CAPZB: variants seen among roughly 807,000 people sequenced by gnomAD.
CAPZB encodes capping actin protein of muscle Z-line subunit beta.
CAPZB carries 2 observed loss-of-function variants against 38.1 expected under a neutral mutation model. The observed-to-expected ratio is 0.05, with a 90% CI of 0.02 to 0.17. The LOEUF (loss-of-function observed/expected upper bound fraction) is 0.17. CAPZB is among the 10% of genes least tolerant of loss of function. The probability of loss-of-function intolerance (pLI) is 1.00; values close to 1 mark genes in which losing one functional copy is unlikely to be tolerated. For synonymous variants in CAPZB, 107 were observed against 127.4 expected, an observed-to-expected ratio of 0.84 and a Z score of 1.08; for missense variants, 161 against 334.2, an observed-to-expected ratio of 0.48 and a Z score of 4.04.
In CAPZB at chr1:19,378,542, G is replaced by T. The variant is rs1259572563; in HGVS notation, c.327C>A (p.Asp109Glu). ...EANNAFDQYRDLYFEGGVSSV... is the reference protein window; with the variant it reads ...EANNAFDQYRELYFEGGVSSV... ...TGCAACAGGAGAAAATGACTCACAG[G>T]TCTCGATACTGGTCAAAGGCATTGT... The change falls in exon 4 of 9, where the codon GAC (aspartate) becomes GAA (glutamate). Residue 109 changes from aspartate (D) to glutamate (E), a missense_variant and splice_region_variant. By Grantham distance (45) the Asp-to-Glu change is conservative. Coordinates refer to ENST00000264202, the MANE Select transcript of CAPZB (RefSeq NM_004930.5). 1.3e-6 allele frequency: 2 copies of T among 1,574,818 alleles called. No individual in the cohort carries two copies. The highest frequency in any genetic ancestry group is 1.7e-6 in the Non-Finnish European group (2 of 1,144,032).
At chr1:19,454,221 G>C (rs114450015) in intron 1 of CAPZB, among the ~76,000 whole-genome samples, 2,041 of 152,316 alleles carry the variant, frequency 0.013, 41 homozygotes, top group African/African-American at 0.047. Context: ...GCCATGAGTA[G>C]CGCCATCCCT....
intron 6 of CAPZB, among the ~76,000 whole-genome samples, chr1:19,353,778 G>A (rs962741598): frequency 6.6e-6 from 1 of 152,250 alleles, no homozygotes; most frequent in African/African-American, 2.4e-5. Context: ...TCCAGCAGGA[G>A]ATCATCCTGA....
chr1:19,347,612 G>T (rs1313291861), intron 6 of CAPZB, among the ~76,000 whole-genome samples: 1 of 152,154 alleles, frequency 6.6e-6, no homozygotes, highest in African/African-American at 2.4e-5. Flanking sequence ...GCCTGCCCTT[G>T]GTCAACTTGT....
At chr1:19,478,421 C>G (rs1400892949) in intron 1 of CAPZB, among the ~76,000 whole-genome samples, 1 of 152,222 alleles carries the variant, frequency 6.6e-6, no homozygotes, top group Non-Finnish European at 1.5e-5. Flanking sequence ...ATCATCACTA[C>G]GTGCCAGGTG....
intron 1 of CAPZB, among the ~76,000 whole-genome samples, chr1:19,446,642 A>G (rs1234362361): frequency 6.6e-6 from 1 of 152,068 alleles, no homozygotes; most frequent in Non-Finnish European, 1.5e-5. Context: ...AACTGGAAAT[A>G]ATCTCCCCCA....
At chr1:19,376,634 TG>T (rs1023777053) in intron 4 of CAPZB, among the ~76,000 whole-genome samples, 4 of 152,228 alleles carry the variant, frequency 2.6e-5, no homozygotes, top group Admixed American at 2.6e-4. Flanking sequence ...AGAGGCCTCA[TG>T]GGCCACTCTA....
intron 1 of CAPZB, among the ~76,000 whole-genome samples, chr1:19,461,104 G>A (rs888224445): frequency 2.3e-4 from 34 of 150,120 alleles, no homozygotes; most frequent in East Asian, 9.9e-4. Context: ...GGCGGGGGGG[G>A]GAGGGGCGGG....
chr1:19,452,960 T>C (rs1257453731), intron 1 of CAPZB, among the ~76,000 whole-genome samples: 1 of 151,878 alleles, frequency 6.6e-6, no homozygotes, highest in Non-Finnish European at 1.5e-5. Context: ...CCTGTCACCA[T>C]GCCCAACTAA....
At chr1:19,473,667 C>A (rs1222568259) in intron 1 of CAPZB, among the ~76,000 whole-genome samples, 1 of 152,106 alleles carries the variant, frequency 6.6e-6, no homozygotes, top group African/African-American at 2.4e-5. Context: ...AGTTCGAGAC[C>A]AGCCTGCCCA....
chr1:19,359,180 G>GAT (rs2094038436), intron 4 of CAPZB, among the ~76,000 whole-genome samples: 1 of 149,976 alleles, frequency 6.7e-6, no homozygotes, highest in Admixed American at 6.6e-5. Flanking sequence ...ACAGAATGTG[G>GAT]GTGATGGGTA....
At chr1:19,360,824 G>C (rs1367234385) in intron 4 of CAPZB, among the ~76,000 whole-genome samples, 1 of 152,190 alleles carries the variant, frequency 6.6e-6, no homozygotes, top group African/African-American at 2.4e-5. Context: ...GCTGGAGCCA[G>C]GGGAGGTAAA....
At chr1:19,380,192 G>C (rs1231686240) in intron 3 of CAPZB, among the ~76,000 whole-genome samples, 3 of 152,196 alleles carry the variant, frequency 2.0e-5, no homozygotes, top group African/African-American at 7.2e-5. Flanking sequence ...TCAGAGGCTG[G>C]TTCACAAACG....
chr1:19,427,517 T>C (rs1008562132), intron 1 of CAPZB, among the ~76,000 whole-genome samples: 17 of 152,254 alleles, frequency 1.1e-4, no homozygotes, highest in African/African-American at 3.9e-4. Context: ...ACGTCGAATC[T>C]GTTTTCTGCC....
chr1:19,339,577 G>A lies in CAPZB; in HGVS notation c.772C>T (p.Leu258=). The A allele has an allele frequency of 1.9e-6, 3 of 1,614,186 alleles. No homozygotes were observed. Among genetic ancestry groups the A allele is most frequent in the Non-Finnish European group, 2.5e-6 (3 of 1,179,980 alleles). ...AAAGCCTCCACCAGGTCATTCTTCA[G>A]AGCTTCTTGTTTTGATTTGTCTGCA... ...TFADKSKQEA[L]KNDLVEALKR... Residue 258 remains leucine (L), a synonymous_variant, in exon 9 of 9, where the codon CTG becomes TTG. Transcript: ENST00000264202.
intron 4 of CAPZB, among the ~76,000 whole-genome samples, chr1:19,365,218 A>T (rs2094076934): frequency 6.6e-6 from 1 of 152,182 alleles, no homozygotes; most frequent in Non-Finnish European, 1.5e-5. Flanking sequence ...GACTGGACCC[A>T]AGAATATCAC....
chr1:19,477,087 C>A (rs1013117877), intron 1 of CAPZB, among the ~76,000 whole-genome samples: 1 of 152,220 alleles, frequency 6.6e-6, no homozygotes, highest in African/African-American at 2.4e-5. Context: ...GAGAGAATTA[C>A]AGACAATGAC....
chr1:19,484,681 T>C, intron 1 of CAPZB: 9 of 1,136,604 alleles, frequency 7.9e-6, no homozygotes, highest in Non-Finnish European at 8.8e-6. Context: ...CCCTGGGTCG[T>C]GCACCAGGCA....
chr1:19,341,277 G>A lies in CAPZB; in HGVS notation c.732-1660C>T, dbSNP rs368151546. Among the ~76,000 whole-genome samples the A allele has an allele frequency of 3.9e-5, 6 of 152,286 alleles. No homozygotes were observed. The East Asian group carries it at 9.6e-4, about 24-fold the overall frequency. Reference sequence around the variant, plus strand: ...GGCCCCCAGGCTCCAAATCTCAGCCGATTCCCCAGGGGCTTCTTGCCAAGC... The same window carrying A: ...GGCCCCCAGGCTCCAAATCTCAGCCAATTCCCCAGGGGCTTCTTGCCAAGC... On this transcript the variant is annotated intron_variant, in intron 8 of 8. Coordinates refer to ENST00000264202, the MANE Select transcript of CAPZB (RefSeq NM_004930.5).
chr1:19,431,727 TAA>T (rs2100581196), intron 1 of CAPZB, among the ~76,000 whole-genome samples: 1 of 78,222 alleles, frequency 1.3e-5, no homozygotes, highest in South Asian at 3.6e-4. Context: ...TCTCAAAAAA[TAA>T]AAAATAAAAA....
Sources: allele counts gnomAD v4.1 joint callset (sites outside exome capture counted in the v4.1 genomes callset), GRCh38; gene constraint gnomAD v4.1.1; transcripts MANE v1.5; gene names NCBI Gene and HGNC (gene_info 2026-07-23, HGNC 2026-07-21).